FAM241A: variants seen among roughly 807,000 people sequenced by gnomAD.
The protein encoded by FAM241A is family with sequence similarity 241 member A.
Under a neutral mutation model 12.2 loss-of-function variants are expected in FAM241A, and 7 were observed. The observed-to-expected ratio is 0.58, with a 90% CI of 0.33 to 1.08. The LOEUF (loss-of-function observed/expected upper bound fraction) is 1.08. Among genes scored for constraint, FAM241A ranks in the 50% least tolerant of loss-of-function variants. The pLI is 0.04. For missense variants in FAM241A, 161 were observed against 169.7 expected (o/e 0.95, Z 0.29); for synonymous variants, 74 against 68.2 (o/e 1.08, Z -0.42).
At chr4:112,179,479 G>C (rs918627758) in intron 1 of FAM241A, among the ~76,000 whole-genome samples, 1 of 151,890 alleles carries the variant, frequency 6.6e-6, no homozygotes, top group African/African-American at 2.4e-5. Context: ...AACACCGCAT[G>C]TTCTCACTCA....
Position 112,192,577 on chromosome 4 carries a change from A to G in FAM241A, c.*5639A>G, listed in dbSNP as rs1033808030. ...TGTTCTCATTGTTCAATTCCCATCT[A>G]TGAGTGAGAACATGTGGTGTTTGGT... On this transcript the variant is annotated 3_prime_UTR_variant, in exon 2 of 2. Coordinates refer to ENST00000309733, the MANE Select transcript of FAM241A (RefSeq NM_152400.3). 4.9e-5 allele frequency: 7 copies of G among 144,272 alleles called. No individual in the cohort carries two copies. Among genetic ancestry groups the G allele is most frequent in the Non-Finnish European group, 1.0e-4 (7 of 66,932 alleles). 8.9% of individuals were successfully genotyped at this position (144,272 alleles called of 1,614,324 possible).
chr4:112,168,723 G>A (rs1305311167), intron 1 of FAM241A, among the ~76,000 whole-genome samples: 1 of 152,052 alleles, frequency 6.6e-6, no homozygotes, highest in Non-Finnish European at 1.5e-5. Flanking sequence ...GGAGTGCAAT[G>A]GCGCGATCTC....
intron 1 of FAM241A, among the ~76,000 whole-genome samples, chr4:112,168,160 T>C (rs1723637303): frequency 6.6e-6 from 1 of 152,258 alleles, no homozygotes; most frequent in African/African-American, 2.4e-5. Flanking sequence ...ACAACTAATA[T>C]ACTTTGTTAT....
Position 112,192,159 on chromosome 4 carries a change from G to A in FAM241A, c.*5221G>A. 1 of 152,102 alleles carries A rather than the reference G, an allele frequency of 6.6e-6. No homozygotes were observed. Among genetic ancestry groups the A allele is most frequent in the East Asian group, 1.9e-4 (1 of 5,198 alleles). The allele number at this position is 152,102 out of a possible 1,614,324, so 9.4% of individuals were successfully genotyped here. ...CTGCTGTTATTTGGATACATACACA[G>A]TATTTCCACTATACACTTGTGTATT... On this transcript the variant is annotated 3_prime_UTR_variant, in exon 2 of 2. Coordinates refer to ENST00000309733, the MANE Select transcript of FAM241A (RefSeq NM_152400.3).
At chr4:112,174,838 A>T (rs1281549149) in intron 1 of FAM241A, among the ~76,000 whole-genome samples, 1 of 152,202 alleles carries the variant, frequency 6.6e-6, no homozygotes, top group Non-Finnish European at 1.5e-5. Context: ...GCTTAAATTC[A>T]ACATCTGACT....
intron 1 of FAM241A, among the ~76,000 whole-genome samples, chr4:112,166,568 T>G (rs80192422): frequency 0.029 from 4,479 of 152,142 alleles, 179 homozygotes; most frequent in East Asian, 0.16. Flanking sequence ...TCCAATAAAC[T>G]GTACCACAGT....
At chr4:112,185,930 T>C (rs1724029226) in intron 1 of FAM241A, among the ~76,000 whole-genome samples, 1 of 152,200 alleles carries the variant, frequency 6.6e-6, no homozygotes, top group African/African-American at 2.4e-5. Flanking sequence ...CTGTGAAGTG[T>C]CACGCTGGTC....
chr4:112,184,408 A>C (rs927750707), intron 1 of FAM241A, among the ~76,000 whole-genome samples: 3 of 152,212 alleles, frequency 2.0e-5, no homozygotes, highest in African/African-American at 7.2e-5. Context: ...GCATGCCTGT[A>C]GTCCCAGCTA....
Position 112,186,791 on chromosome 4 carries a change from C to G in FAM241A, c.252C>G (p.Asn84Lys). ...LFGELNKNLI[N>K]MGFTRMYFGE... Reference sequence around the variant, plus strand: ...GTGAACTGAACAAAAACCTTATCAACATGGGCTTCACAAGGATGTATTTTG... The same window carrying G: ...GTGAACTGAACAAAAACCTTATCAAGATGGGCTTCACAAGGATGTATTTTG... Residue 84 changes from asparagine to lysine, a missense_variant, in exon 2 of 2, where the codon AAC becomes AAG. Coordinates refer to ENST00000309733, the MANE Select transcript of FAM241A (RefSeq NM_152400.3). 1 of 1,613,606 alleles carries G rather than the reference C, an allele frequency of 6.2e-7. No homozygotes were observed. The highest frequency in any genetic ancestry group is 8.5e-7 in the Non-Finnish European group (1 of 1,179,940).
At chr4:112,163,366 A>G (rs1224037990) in intron 1 of FAM241A, among the ~76,000 whole-genome samples, 3 of 152,338 alleles carry the variant, frequency 2.0e-5, no homozygotes, top group East Asian at 3.9e-4. Context: ...ATCAGAGTGA[A>G]CAGGCAACCT....
At chr4:112,156,270 CT>C (rs758059162) in intron 1 of FAM241A, among the ~76,000 whole-genome samples, 1 of 152,164 alleles carries the variant, frequency 6.6e-6, no homozygotes, top group African/African-American at 2.4e-5. Context: ...TCCCCCAGAT[CT>C]TCCCTTGGCA....
At chr4:112,167,692 T>C (rs1459569715) in intron 1 of FAM241A, among the ~76,000 whole-genome samples, 1 of 152,206 alleles carries the variant, frequency 6.6e-6, no homozygotes, top group Non-Finnish European at 1.5e-5. Flanking sequence ...TTTGGGTACA[T>C]ATCTTTATAT....
In FAM241A at chr4:112,145,467, C is replaced by A; in HGVS notation, c.-114C>A. 1.9e-6 allele frequency: 2 copies of A among 1,074,798 alleles called. No homozygotes were observed. The highest frequency in any genetic ancestry group is 2.3e-6 in the Non-Finnish European group (2 of 859,070). 66.6% of individuals were successfully genotyped at this position (1,074,798 alleles called of 1,614,324 possible). ...CCGGCGGGGCGCGCTCCGGCGGCTC[C>A]TGTCAGCGGCGGGTGCGGCGGATCC... On this transcript the variant is annotated 5_prime_UTR_variant, in exon 1 of 2. It adds an upstream start codon to the 5' untranslated region. Transcript: ENST00000309733.
At chr4:112,166,140 G>A (rs997481218) in intron 1 of FAM241A, among the ~76,000 whole-genome samples, 21 of 148,484 alleles carry the variant, frequency 1.4e-4, no homozygotes, top group East Asian at 4.0e-4. Flanking sequence ...TCTACTTCCC[G>A]GGTTCACACC....
chr4:112,155,781 T>C (rs1026009380), intron 1 of FAM241A, among the ~76,000 whole-genome samples: 6 of 152,152 alleles, frequency 3.9e-5, no homozygotes, highest in Non-Finnish European at 5.9e-5. Flanking sequence ...TTTAGAGATA[T>C]AGTGTATAAA....
At chr4:112,165,800 G>T (rs577282279) in intron 1 of FAM241A, among the ~76,000 whole-genome samples, 7 of 152,236 alleles carry the variant, frequency 4.6e-5, no homozygotes, top group African/African-American at 1.7e-4. Context: ...ATGGTTAATG[G>T]TTACAAAAAG....
intron 1 of FAM241A, among the ~76,000 whole-genome samples, chr4:112,165,545 CT>C (rs1448904686): frequency 6.6e-6 from 1 of 152,204 alleles, no homozygotes; most frequent in Non-Finnish European, 1.5e-5. Flanking sequence ...AAACGTGGTA[CT>C]TATACCCAAG....
chr4:112,186,881 G>A lies in FAM241A; in HGVS notation c.342G>A (p.Leu114=), dbSNP rs751196818. 6.8e-6 allele frequency: 11 copies of A among 1,613,948 alleles called. No homozygotes were observed. The highest frequency in any genetic ancestry group is 7.6e-6 in the Non-Finnish European group (9 of 1,179,964). ...GGGTTATGCTGTGGTTCCTTGGCCT[G>A]CAAGCCCTTGGACTAGTTGCTGTTC... ...FFWVMLWFLG[L]QALGLVAVLC... Residue 114 remains leucine (L), a synonymous_variant, in exon 2 of 2, where the codon CTG becomes CTA. Coordinates refer to ENST00000309733, the MANE Select transcript of FAM241A (RefSeq NM_152400.3).
rs1324238794 is a variant in FAM241A at position 112,186,844 on chromosome 4, T to G, written c.305T>G (p.Val102Gly). The change falls in exon 2 of 2, where the codon GTC (valine) becomes GGC (glycine). Residue 102 changes from valine (V) to glycine (G), a missense_variant. Transcript: ENST00000309733. ...GAACGAATAGTGGAACCAGTAATAGTCATTTTCTTTTGGGTTATGCTGTGG... is the reference window on the plus strand; with the variant it reads ...GAACGAATAGTGGAACCAGTAATAGGCATTTTCTTTTGGGTTATGCTGTGG... Reference protein sequence around the residue: ...FGERIVEPVIVIFFWVMLWFL... With the variant: ...FGERIVEPVIGIFFWVMLWFL... 1 of 1,614,092 alleles carries G rather than the reference T, an allele frequency of 6.2e-7. No individual in the cohort carries two copies. Among genetic ancestry groups the G allele is most frequent in the East Asian group, 2.2e-5 (1 of 44,880 alleles).
Sources: allele counts gnomAD v4.1 joint callset (sites outside exome capture counted in the v4.1 genomes callset), GRCh38; gene constraint gnomAD v4.1.1; transcripts MANE v1.5; gene names NCBI Gene and HGNC (gene_info 2026-07-23, HGNC 2026-07-21).